TMPRSS15: variants seen among roughly 807,000 people sequenced by gnomAD.
TMPRSS15 encodes the protein enteropeptidase.
A neutral mutation model predicts 125.3 loss-of-function variants in TMPRSS15; 128 were observed. The ratio of observed to expected loss-of-function variants is 1.02; its 90% CI spans 0.89 to 1.18. The LOEUF (loss-of-function observed/expected upper bound fraction) is 1.18, where lower values mean the gene tolerates loss of function less well. TMPRSS15 is among the 50% of genes most tolerant of loss of function. The probability of loss-of-function intolerance (pLI) is 0.00; values close to 1 mark genes in which losing one functional copy is unlikely to be tolerated. For synonymous variants in TMPRSS15, 446 were observed against 423.2 expected (o/e 1.05, Z -0.66); for missense variants, 1,283 against 1,212.7 (o/e 1.06, Z -0.86).
intron 5 of TMPRSS15, among the ~76,000 whole-genome samples, chr21:18,373,578 G>A (rs1174653085): frequency 1.3e-5 from 2 of 152,114 alleles, no homozygotes; most frequent in East Asian, 3.9e-4. Context: ...TCTCATACAT[G>A]CTTTATAAAT....
chr21:18,300,714 A>C (rs2074962479), intron 18 of TMPRSS15, among the ~76,000 whole-genome samples: 6 of 152,302 alleles, frequency 3.9e-5, no homozygotes, highest in African/African-American at 1.2e-4. Flanking sequence ...AGTATTTAAA[A>C]ATTATTTGTA....
chr21:18,384,502 C>T (rs2075924354), intron 3 of TMPRSS15, among the ~76,000 whole-genome samples: 2 of 151,932 alleles, frequency 1.3e-5, no homozygotes, highest in Admixed American at 1.3e-4. Context: ...CTGCTCTGTA[C>T]CATGCATTTT....
At chr21:18,427,236 A>G (rs980576678) in intron 1 of TMPRSS15, among the ~76,000 whole-genome samples, 4 of 152,162 alleles carry the variant, frequency 2.6e-5, no homozygotes, top group African/African-American at 9.7e-5. Flanking sequence ...GTAGCCCAAA[A>G]TCTACCCGCT....
chr21:18,365,021 T>C, intron 7 of TMPRSS15, 119 bp downstream of exon 7: 1 of 824,362 alleles, frequency 1.2e-6, no homozygotes, highest in Non-Finnish European at 2.0e-6. Context: ...AGTTGGGAGG[T>C]TTTTGCTTCA....
intron 21 of TMPRSS15, among the ~76,000 whole-genome samples, chr21:18,285,216 G>C (rs552599249): frequency 6.6e-5 from 10 of 152,266 alleles, no homozygotes; most frequent in African/African-American, 2.2e-4. Flanking sequence ...TGCAGAAGCA[G>C]CACCAGATAA....
intron 1 of TMPRSS15, 59 bp from the exon 2 acceptor site, chr21:18,398,388 T>G: frequency 6.4e-7 from 1 of 1,557,204 alleles, no homozygotes; most frequent in Non-Finnish European, 8.8e-7. Flanking sequence ...GGAGAAAATA[T>G]GCACATTCTG....
At chr21:18,336,327 T>C (rs1301837273) in intron 13 of TMPRSS15, among the ~76,000 whole-genome samples, 5 of 152,198 alleles carry the variant, frequency 3.3e-5, no homozygotes, top group Non-Finnish European at 5.9e-5. Context: ...ATACCTCCTA[T>C]TGATCGATGT....
At chr21:18,376,695 A>G (rs1331527011) in intron 5 of TMPRSS15, among the ~76,000 whole-genome samples, 2 of 152,164 alleles carry the variant, frequency 1.3e-5, no homozygotes, top group African/African-American at 2.4e-5. Context: ...GCAATTGCCA[A>G]AACACCCCCT....
intron 1 of TMPRSS15, among the ~76,000 whole-genome samples, chr21:18,451,308 A>T (rs962452346): frequency 3.3e-5 from 5 of 152,168 alleles, no homozygotes; most frequent in African/African-American, 1.2e-4. Context: ...TTCACCAAAA[A>T]ATAAAAAACT....
At chr21:18,282,873 G>A in intron 21 of TMPRSS15, among the ~76,000 whole-genome samples, 1 of 152,188 alleles carries the variant, frequency 6.6e-6, no homozygotes, top group Non-Finnish European at 1.5e-5. Context: ...GGGGTGCCAT[G>A]GGAGGGATTG....
At chr21:18,383,282 T>G (rs1296936568) in intron 4 of TMPRSS15, among the ~76,000 whole-genome samples, 1 of 122,352 alleles carries the variant, frequency 8.2e-6, no homozygotes, top group African/African-American at 3.3e-5. Flanking sequence ...CTTCTGTGCA[T>G]GCCAACACTC....
chr21:18,385,452 G>A, intron 3 of TMPRSS15, among the ~76,000 whole-genome samples: 1 of 151,974 alleles, frequency 6.6e-6, no homozygotes, highest in East Asian at 1.9e-4. Flanking sequence ...ACCTGGCCTT[G>A]GTCAACAGAA....
In TMPRSS15 at chr21:18,358,440, T is replaced by C. The variant is rs145451706; in HGVS notation, c.880+1317A>G. Reference sequence around the variant, plus strand: ...ATATTTATATGAAGTAACCTATTTGTCCACCTATGTAAATATTTATGTTGA... The same window carrying C: ...ATATTTATATGAAGTAACCTATTTGCCCACCTATGTAAATATTTATGTTGA... On this transcript the variant is annotated intron_variant, in intron 8 of 24. Transcript: ENST00000284885. 3.6e-3 allele frequency among the ~76,000 whole-genome samples: 552 copies of C among 152,060 alleles called. 5 individuals carry two copies. The highest frequency in any genetic ancestry group is 0.024 in the Middle Eastern group (7 of 294).
intron 3 of TMPRSS15, among the ~76,000 whole-genome samples, chr21:18,394,903 C>CT (rs980652248): frequency 7.9e-5 from 12 of 152,236 alleles, no homozygotes; most frequent in African/African-American, 2.2e-4. Context: ...ACTCCAGCAA[C>CT]TAGCATTGTC....
chr21:18,433,061 A>G (rs1265589709), intron 1 of TMPRSS15, among the ~76,000 whole-genome samples: 1 of 152,220 alleles, frequency 6.6e-6, no homozygotes, highest in East Asian at 1.9e-4. Flanking sequence ...AAAAATCCCA[A>G]TTTAGAAAGT....
intron 13 of TMPRSS15, among the ~76,000 whole-genome samples, chr21:18,334,356 C>T (rs1186127592): frequency 6.6e-6 from 1 of 152,108 alleles, no homozygotes; most frequent in Non-Finnish European, 1.5e-5. Context: ...CCCAGATGAA[C>T]TTATCAAAAT....
chr21:18,292,603 G>C (rs1273079399), intron 21 of TMPRSS15, among the ~76,000 whole-genome samples: 1 of 152,176 alleles, frequency 6.6e-6, no homozygotes, highest in Non-Finnish European at 1.5e-5. Context: ...TTGATGTTTA[G>C]ACAGCATATG....
At chr21:18,340,900 G>A (rs1458384807) in intron 13 of TMPRSS15, among the ~76,000 whole-genome samples, 4 of 152,196 alleles carry the variant, frequency 2.6e-5, no homozygotes, top group Non-Finnish European at 4.4e-5. Flanking sequence ...GCTCAATAAC[G>A]AAGAGTGGTT....
chr21:18,398,031 G>T, intron 2 of TMPRSS15, 85 bp from the exon 3 acceptor site: 1 of 1,233,494 alleles, frequency 8.1e-7, no homozygotes, highest in Non-Finnish European at 1.2e-6. Context: ...CAATCTTTAT[G>T]TTCTGCTTAG....
Sources: allele counts gnomAD v4.1 joint callset (sites outside exome capture counted in the v4.1 genomes callset), GRCh38; gene constraint gnomAD v4.1.1; transcripts MANE v1.5; gene names NCBI Gene and HGNC (gene_info 2026-07-23, HGNC 2026-07-21).